BICD1: variants seen among roughly 807,000 people sequenced by gnomAD.
BICD1 encodes the protein BICD cargo adaptor 1.
BICD1 carries 35 observed loss-of-function variants against 92.5 expected under a neutral mutation model. That is an observed-to-expected ratio of 0.38 (90% CI 0.29 to 0.50). The LOEUF is 0.50. BICD1 is among the 20% of genes least tolerant of loss of function. The pLI, the probability that BICD1 is intolerant of heterozygous loss-of-function variation, is 0.93. For synonymous variants in BICD1, 429 were observed against 465.1 expected (o/e 0.92, Z 1.00); for missense variants, 950 against 1,189.8 (o/e 0.80, Z 2.97).
At chr12:32,354,782 G>T (rs1478032103) in intron 8 of BICD1, among the ~76,000 whole-genome samples, 1 of 151,910 alleles carries the variant, frequency 6.6e-6, no homozygotes, top group Non-Finnish European at 1.5e-5. Context: ...TTAGATTTTT[G>T]AAAATAGTTA....
chr12:32,302,118 C>T (rs1268730383), intron 3 of BICD1, among the ~76,000 whole-genome samples: 1 of 152,122 alleles, frequency 6.6e-6, no homozygotes, highest in East Asian at 1.9e-4. Context: ...GATCTCCTGA[C>T]CTCGTGATCC....
intron 1 of BICD1, among the ~76,000 whole-genome samples, chr12:32,192,495 A>T (rs868281189): frequency 6.6e-6 from 1 of 152,062 alleles, no homozygotes; most frequent in Admixed American, 6.6e-5. Flanking sequence ...AAGCAAAAAA[A>T]CCTATTACTG....
chr12:32,144,066 C>T (rs1943033192), intron 1 of BICD1, among the ~76,000 whole-genome samples: 1 of 152,152 alleles, frequency 6.6e-6, no homozygotes, highest in Non-Finnish European at 1.5e-5. Flanking sequence ...ATATCTTCAT[C>T]TCTGCAGTTT....
intron 2 of BICD1, among the ~76,000 whole-genome samples, chr12:32,293,718 C>A (rs546432390): frequency 2.0e-5 from 3 of 152,106 alleles, no homozygotes; most frequent in Non-Finnish European, 4.4e-5. Flanking sequence ...TAGACTGTTT[C>A]CAATTTTTTG....
intron 1 of BICD1, among the ~76,000 whole-genome samples, chr12:32,127,645 G>C (rs1047368562): frequency 1.1e-4 from 17 of 152,084 alleles, no homozygotes; most frequent in African/African-American, 4.1e-4. Context: ...ACTGGCTTTG[G>C]ACACCTTCCT....
chr12:32,199,029 G>C, intron 1 of BICD1, among the ~76,000 whole-genome samples: 1 of 152,096 alleles, frequency 6.6e-6, no homozygotes, highest in Non-Finnish European at 1.5e-5. Flanking sequence ...CTATGGTCTT[G>C]GGTAGAACTG....
intron 4 of BICD1, 143 bp from the exon 5 acceptor site, chr12:32,327,318 A>C (rs577348588): frequency 5.8e-6 from 6 of 1,042,016 alleles, no homozygotes; most frequent in Non-Finnish European, 8.2e-6. Context: ...TGAAATAAAA[A>C]ACACTCCAAT....
intron 1 of BICD1, among the ~76,000 whole-genome samples, chr12:32,115,804 C>T (rs1353663886): frequency 1.3e-5 from 2 of 151,978 alleles, no homozygotes; most frequent in African/African-American, 2.4e-5. Flanking sequence ...GATGGAGATA[C>T]GTGTATCAGC....
In BICD1 at chr12:32,223,626, C is replaced by T. The variant is rs1565598997; in HGVS notation, c.426+7167C>T. ...CTTCATGTCAGAAATGAGACTGTTT[C>T]GCTTTCTTATCATTCATGTGTCAAT... On this transcript the variant is annotated intron_variant, in intron 2 of 9. Transcript: ENST00000652176. Among the ~76,000 whole-genome samples, 3 of 151,880 alleles carry T rather than the reference C, an allele frequency of 2.0e-5. No homozygotes were observed. In the East Asian group the frequency reaches 5.8e-4, roughly 29 times the overall value.
At chr12:32,151,606 G>C (rs1183740119) in intron 1 of BICD1, among the ~76,000 whole-genome samples, 1 of 152,192 alleles carries the variant, frequency 6.6e-6, no homozygotes, top group Non-Finnish European at 1.5e-5. Flanking sequence ...TTGATATTGG[G>C]TGATGACCAA....
Position 32,337,640 on chromosome 12 carries a change from G to GT in BICD1, c.2397dup (p.Asp800Ter). The stretch of plus-strand genomic sequence containing the variant: ...TGACCCAGAGGCTGGAGGACTTAGA[G>GT]TTTGACCATGAGCAGTCCCGACGCA... On this transcript the variant is annotated frameshift_variant, in exon 7 of 10. Transcript: ENST00000652176. LOFTEE classifies it high-confidence loss of function. This position sits in a 1 kb window ranked among gnomAD's most constrained non-coding sequence, Gnocchi z 4.7. The GT allele has an allele frequency of 1.2e-6, 2 of 1,614,188 alleles. No individual in the cohort carries two copies. Among genetic ancestry groups the GT allele is most frequent in the Non-Finnish European group, 1.7e-6 (2 of 1,180,030 alleles).
chr12:32,144,198 A>G (rs1312436056), intron 1 of BICD1, among the ~76,000 whole-genome samples: 2 of 152,186 alleles, frequency 1.3e-5, no homozygotes, highest in African/African-American at 4.8e-5. Context: ...GTAGGGAAGA[A>G]GGACAAAAAT....
At chr12:32,254,377 C>T (rs1382621233) in intron 2 of BICD1, among the ~76,000 whole-genome samples, 1 of 152,204 alleles carries the variant, frequency 6.6e-6, no homozygotes, top group Non-Finnish European at 1.5e-5. Context: ...ACTGCCATAC[C>T]CCACCTACCA....
intron 2 of BICD1, among the ~76,000 whole-genome samples, chr12:32,292,480 G>C (rs1357254524): frequency 6.6e-6 from 1 of 152,100 alleles, no homozygotes; most frequent in Non-Finnish European, 1.5e-5. Flanking sequence ...TCTTTTTTGG[G>C]AGACAATTGA....
rs571618473 is a variant in BICD1, at chr12:32,252,410, A to C, written c.426+35951A>C. On this transcript the variant is annotated intron_variant, in intron 2 of 9. Transcript: ENST00000652176. ...AGCTATTTATTTTAGCAGTGGTCTT[A>C]CAAGTCGGATAGTGGGAGCAGGTGG... Among the ~76,000 whole-genome samples the C allele has an allele frequency of 5.9e-5, 9 of 152,002 alleles. No individual in the cohort carries two copies. In the South Asian group the frequency reaches 6.2e-4, roughly 11 times the overall value.
At chr12:32,139,629 C>T (rs1286711561) in intron 1 of BICD1, among the ~76,000 whole-genome samples, 3 of 152,312 alleles carry the variant, frequency 2.0e-5, no homozygotes, top group South Asian at 2.1e-4. Context: ...GTGGTGCAAT[C>T]TCGGCTCACT....
chr12:32,145,185 G>A (rs1486897404), intron 1 of BICD1, among the ~76,000 whole-genome samples: 1 of 146,032 alleles, frequency 6.8e-6, no homozygotes, highest in Non-Finnish European at 1.5e-5. Flanking sequence ...TAAATAGGAA[G>A]AAAGAATAAA....
intron 3 of BICD1, 65 bp downstream of exon 3, chr12:32,294,211 A>G: frequency 7.0e-7 from 1 of 1,431,540 alleles, no homozygotes; most frequent in Non-Finnish European, 9.5e-7. Context: ...ACTAGGGTTA[A>G]ATCTCCAAAC....
At chr12:32,112,056 G>A (rs1941718232) in intron 1 of BICD1, among the ~76,000 whole-genome samples, 1 of 144,802 alleles carries the variant, frequency 6.9e-6, no homozygotes, top group Non-Finnish European at 1.5e-5. Context: ...GCCCAGGCTG[G>A]AGTGCAATGG....
Sources: allele counts gnomAD v4.1 joint callset (sites outside exome capture counted in the v4.1 genomes callset), GRCh38; gene constraint gnomAD v4.1.1; non-coding constraint Gnocchi (gnomAD v3.1); transcripts MANE v1.5; gene names NCBI Gene and HGNC (gene_info 2026-07-23, HGNC 2026-07-21).